The following HEXA variants were observed in gnomAD, a reference collection of about 807,000 sequenced individuals.
HEXA encodes hexosaminidase subunit alpha.
In HEXA, 54 loss-of-function variants were observed where a neutral mutation model predicts 73.3. The ratio of observed to expected loss-of-function variants is 0.74; its 90% CI spans 0.59 to 0.92. The LOEUF (loss-of-function observed/expected upper bound fraction) is 0.92. Ranked by LOEUF, HEXA falls within the 40% of genes least tolerant of loss-of-function variation. The probability of loss-of-function intolerance (pLI) is 0.00; values close to 1 mark genes in which losing one functional copy is unlikely to be tolerated. For synonymous variants in HEXA, 230 were observed against 246.9 expected (o/e 0.93, Z 0.64); for missense variants, 649 against 653.0 (o/e 0.99, Z 0.07).
Position 72,364,818 on chromosome 15 carries a change from A to ATT in HEXA, c.254-8203_254-8202dup, listed in dbSNP as rs762688276. Among the ~76,000 whole-genome samples the ATT allele has an allele frequency of 2.1e-3, 275 of 133,102 alleles. 3 individuals carry two copies. The highest frequency in any genetic ancestry group is 6.7e-3 in the African/African-American group (241 of 36,078). The allele number at this position is 133,102 out of a possible 152,430, so 87.3% of individuals were successfully genotyped here. ...GTATTTCTTTTTAAGTTTTAATTTAATTTTTTTTTTTTTTTTTTTTAGAGA... is the reference window on the plus strand; with the variant it reads ...GTATTTCTTTTTAAGTTTTAATTTAATTTTTTTTTTTTTTTTTTTTTTAGAGA... On this transcript the variant is annotated intron_variant, in intron 1 of 13. Coordinates refer to ENST00000268097, the MANE Select transcript of HEXA (RefSeq NM_000520.6).
intron 3 of HEXA, chr15:72,353,963 A>G (rs2088738033): frequency 1.6e-6 from 1 of 609,872 alleles, no homozygotes; most frequent in Non-Finnish European, 2.9e-6. Context: ...TAAGGGTTTT[A>G]GTGCCCTTCC....
At position 72,342,967 on chromosome 15, in the gene HEXA, A is replaced by T. The variant is rs961698479; in HGVS notation, c.*1110T>A. Reference sequence around the variant, plus strand: ...CCGGGCGCGGTGGCTCACGCCTGTAATCCCAGCACTTTGGGAGGCCAAGGC... The same window carrying T: ...CCGGGCGCGGTGGCTCACGCCTGTATTCCCAGCACTTTGGGAGGCCAAGGC... On this transcript the variant is annotated 3_prime_UTR_variant, in exon 14 of 14. Coordinates refer to ENST00000268097, the MANE Select transcript of HEXA (RefSeq NM_000520.6). 2 of 152,252 alleles carry T rather than the reference A, an allele frequency of 1.3e-5. No homozygotes were observed. Among genetic ancestry groups the T allele is most frequent in the African/African-American group, 2.4e-5 (1 of 41,438 alleles). The allele number at this position is 152,252 out of a possible 1,614,324, so 9.4% of individuals were successfully genotyped here.
In HEXA at chr15:72,350,646, G is replaced by A. The variant is rs769866128; in HGVS notation, c.677C>T (p.Ser226Phe). ...GTAGATGTGGGTGACAGGGTTGTAGGACCCCTGAAAGGCACAAGACACCCT... is the reference window on the plus strand; with the variant it reads ...GTAGATGTGGGTGACAGGGTTGTAGAACCCCTGAAAGGCACAAGACACCCT... ...FTFPELMRKG[S>F]YNPVTHIYTA... Residue 226 changes from serine to phenylalanine, a missense_variant, in exon 7 of 14, where the codon TCC becomes TTC. Transcript: ENST00000268097. 6.2e-7 allele frequency: 1 copy of A among 1,602,544 alleles called. No homozygotes were observed. Among genetic ancestry groups the A allele is most frequent in the Non-Finnish European group, 8.5e-7 (1 of 1,174,536 alleles).
rs767500499 is a variant in HEXA at position 72,375,906 on chromosome 15, G to A, written c.67C>T (p.Leu23Phe). ...TGGAAGTTCTGAGGCCAGGGCCAGA[G>A]GGCCGTCGCCCGTCCTGCGAACGCT... ...AAAFAGRATA[L>F]WPWPQNFQTS... is the part of the protein sequence containing the mutation. The change falls in exon 1 of 14, where the codon CTC (leucine) becomes TTC (phenylalanine). Residue 23 changes from leucine (L) to phenylalanine (F), a missense_variant. Coordinates refer to ENST00000268097, the MANE Select transcript of HEXA (RefSeq NM_000520.6). The A allele has an allele frequency of 1.9e-6, 3 of 1,614,242 alleles. No individual in the cohort carries two copies. Among genetic ancestry groups the A allele is most frequent in the Non-Finnish European group, 2.5e-6 (3 of 1,180,050 alleles).
Position 72,342,543 on chromosome 15 carries a change from CCCGCCTCTGGCTTACAGTATCACTT to C in HEXA, c.*1509_*1533del, listed in dbSNP as rs2088563097. On this transcript the variant is annotated 3_prime_UTR_variant, in exon 14 of 14. Coordinates refer to ENST00000268097, the MANE Select transcript of HEXA (RefSeq NM_000520.6). ...AAAATGGCTGCGATGCATTACTGCC[CCCGCCTCTGGCTTACAGTATCACTT>C]CTGCATCTGAAACCAGGAGGGGGCA... 1.3e-5 allele frequency: 2 copies of C among 152,250 alleles called. No individual in the cohort carries two copies. The allele number at this position is 152,250 out of a possible 1,614,324, so 9.4% of individuals were successfully genotyped here. A position where few individuals can be genotyped will look rare whatever the true frequency, so the allele number is the denominator to read the frequency against.
chr15:72,372,511 A>G (rs2089007235), intron 1 of HEXA, among the ~76,000 whole-genome samples: 1 of 152,200 alleles, frequency 6.6e-6, no homozygotes. Flanking sequence ...CCAAATAATC[A>G]CATCTTTGCT....
intron 1 of HEXA, among the ~76,000 whole-genome samples, chr15:72,369,638 A>G (rs1025211377): frequency 6.6e-6 from 1 of 152,160 alleles, no homozygotes; most frequent in Admixed American, 6.6e-5. Context: ...CCTGAGCTCA[A>G]GCCATCCTCC....
At chr15:72,371,064 T>A (rs1595813286) in intron 1 of HEXA, among the ~76,000 whole-genome samples, 1 of 152,232 alleles carries the variant, frequency 6.6e-6, no homozygotes, top group Admixed American at 6.5e-5. Context: ...AAAGTATAGT[T>A]AGCCGCTAGC....
chr15:72,363,553 G>A (rs962407), intron 1 of HEXA, among the ~76,000 whole-genome samples: 131,533 of 152,142 alleles, frequency 0.86, 59,921 homozygotes, highest in Non-Finnish European at 1. Flanking sequence ...CTGTGAAGCC[G>A]ACTGCCCTGA....
At chr15:72,345,985 T>A in intron 12 of HEXA, 1 of 567,270 alleles carries the variant, frequency 1.8e-6, no homozygotes, top group Non-Finnish European at 3.2e-6. Flanking sequence ...CCAGGCCTCA[T>A]TATCTCTCTG....
intron 1 of HEXA, among the ~76,000 whole-genome samples, chr15:72,365,397 C>T (rs368044858): frequency 6.6e-6 from 1 of 152,220 alleles, no homozygotes; most frequent in Non-Finnish European, 1.5e-5. Context: ...CGGCACCCAG[C>T]CATTCTTTTT....
At chr15:72,345,638 C>A in intron 12 of HEXA, 88 bp from the exon 13 acceptor site, 1 of 1,569,308 alleles carries the variant, frequency 6.4e-7, no homozygotes, top group African/African-American at 1.3e-5. Flanking sequence ...CTTGTCTAGG[C>A]ACCCTGGACT....
intron 5 of HEXA, among the ~76,000 whole-genome samples, chr15:72,352,466 T>C (rs199633358): frequency 7.0e-6 from 1 of 143,268 alleles, no homozygotes; most frequent in Non-Finnish European, 1.5e-5. Context: ...AAAAAAAAAA[T>C]TGAGACGCTG....
intron 1 of HEXA, among the ~76,000 whole-genome samples, chr15:72,373,675 T>C (rs2089021284): frequency 6.6e-6 from 1 of 152,164 alleles, no homozygotes; most frequent in Non-Finnish European, 1.5e-5. Context: ...TATGGTGCTA[T>C]AGCAATGGAG....
chr15:72,370,213 C>T (rs1225581756), intron 1 of HEXA: 1 of 159,044 alleles, frequency 6.3e-6, no homozygotes, highest in Non-Finnish European at 1.4e-5. Flanking sequence ...CTGAATGAAT[C>T]ATGTTCCACA....
intron 5 of HEXA, among the ~76,000 whole-genome samples, chr15:72,352,648 C>T (rs1279575397): frequency 7.0e-6 from 1 of 142,980 alleles, no homozygotes; most frequent in African/African-American, 2.5e-5. Context: ...CCCAGGAGCT[C>T]ATAGAATTAC....
chr15:72,346,337 C>T lies in HEXA; in HGVS notation c.1331-12G>A, dbSNP rs752346048. 1.9e-6 allele frequency: 3 copies of T among 1,608,014 alleles called. No homozygotes were observed. Among genetic ancestry groups the T allele is most frequent in the Non-Finnish European group, 8.5e-7 (1 of 1,174,772 alleles). On this transcript the variant is annotated splice_polypyrimidine_tract_variant and intron_variant, in intron 11 of 13. Transcript: ENST00000268097. ...CTGCTCAGGGGTACCTGAGGGAAAA[C>T]AAGCAACAACAGTCTGGTGATGGTG...
intron 1 of HEXA, chr15:72,357,361 A>G (rs1047223278): frequency 1.3e-5 from 2 of 155,754 alleles, no homozygotes; most frequent in African/African-American, 4.8e-5. Context: ...CTTCCCAAAC[A>G]GGTTCTCTAT....
At chr15:72,375,623 G>C in intron 1 of HEXA, 97 bp downstream of exon 1, 1 of 1,410,320 alleles carries the variant, frequency 7.1e-7, no homozygotes, top group Non-Finnish European at 9.8e-7. Flanking sequence ...CAGAGGGCTG[G>C]ACAAAAGCCC....
Sources: allele counts gnomAD v4.1 joint callset (sites outside exome capture counted in the v4.1 genomes callset), GRCh38; gene constraint gnomAD v4.1.1; transcripts MANE v1.5; gene names NCBI Gene and HGNC (gene_info 2026-07-23, HGNC 2026-07-21).